The following EPS15 variants were observed in gnomAD, a reference collection of about 807,000 sequenced individuals.
The protein encoded by EPS15 is epidermal growth factor receptor substrate 15.
Under a neutral mutation model 113.8 loss-of-function variants are expected in EPS15, and 72 were observed. That is an observed-to-expected ratio of 0.63 (90% CI 0.52 to 0.77). The LOEUF (loss-of-function observed/expected upper bound fraction) is 0.77. EPS15 is among the 30% of genes least tolerant of loss of function. The pLI, the probability that EPS15 is intolerant of heterozygous loss-of-function variation, is 0.00. For synonymous variants in EPS15, 344 were observed against 363.4 expected (o/e 0.95, Z 0.61); for missense variants, 1,048 against 1,045.8 (o/e 1.00, Z -0.03).
intron 5 of EPS15, 54 bp downstream of exon 5, chr1:51,468,419 G>A (rs1257298046): frequency 2.0e-5 from 24 of 1,192,998 alleles, no homozygotes; most frequent in Middle Eastern, 1.9e-4. Context: ...TTCAAATAAC[G>A]TGGTGTCACT....
At chr1:51,507,276 C>T (rs1393695506) in intron 1 of EPS15, among the ~76,000 whole-genome samples, 3 of 152,182 alleles carry the variant, frequency 2.0e-5, no homozygotes, top group Non-Finnish European at 4.4e-5. Flanking sequence ...TATCTGTACA[C>T]ATTAGGGCTT....
At chr1:51,474,237 G>C (rs949435178) in intron 2 of EPS15, among the ~76,000 whole-genome samples, 2 of 152,222 alleles carry the variant, frequency 1.3e-5, no homozygotes, top group Non-Finnish European at 2.9e-5. Context: ...GAAGCTATAG[G>C]CCAGAAGCTG....
intron 8 of EPS15, among the ~76,000 whole-genome samples, chr1:51,454,083 C>T (rs1193104829): frequency 2.7e-5 from 4 of 147,890 alleles, no homozygotes; most frequent in Middle Eastern, 3.6e-3. Context: ...GGGAAAAGAT[C>T]GTGCTCAGTT....
chr1:51,503,252 A>G (rs1644443354), intron 1 of EPS15, among the ~76,000 whole-genome samples: 1 of 152,246 alleles, frequency 6.6e-6, no homozygotes, highest in African/African-American at 2.4e-5. Flanking sequence ...GAGAATTCCA[A>G]CTGACTGTTT....
At chr1:51,413,006 TA>T (rs1360261888) in intron 13 of EPS15, among the ~76,000 whole-genome samples, 1 of 152,208 alleles carries the variant, frequency 6.6e-6, no homozygotes, top group East Asian at 1.9e-4. Context: ...GAGGATTAAG[TA>T]AAACTTGCTG....
At chr1:51,494,063 A>G (rs922545941) in intron 1 of EPS15, among the ~76,000 whole-genome samples, 2 of 152,274 alleles carry the variant, frequency 1.3e-5, no homozygotes, top group Non-Finnish European at 2.9e-5. Context: ...AGTAATTTCA[A>G]TTATCAATTT....
chr1:51,395,263 T>C (rs1647813839), intron 20 of EPS15, among the ~76,000 whole-genome samples: 1 of 152,172 alleles, frequency 6.6e-6, no homozygotes, highest in African/African-American at 2.4e-5. Flanking sequence ...CACATAATTA[T>C]AGTACATCTA....
intron 1 of EPS15, chr1:51,518,280 C>T (rs1644763285): frequency 6.6e-6 from 1 of 152,428 alleles, no homozygotes; most frequent in Middle Eastern, 3.2e-3. Flanking sequence ...CTGAGAAGCA[C>T]AAGGACTGGA....
At chr1:51,372,718 C>T in intron 21 of EPS15, 1 of 408,866 alleles carries the variant, frequency 2.4e-6, no homozygotes, top group Non-Finnish European at 4.7e-6. Context: ...ACCTCAAAAA[C>T]ATTTGAGCAT....
At chr1:51,385,490 T>C (rs1047843454) in intron 21 of EPS15, among the ~76,000 whole-genome samples, 3 of 152,150 alleles carry the variant, frequency 2.0e-5, no homozygotes, top group African/African-American at 2.4e-5. Flanking sequence ...CTGTGGAGAA[T>C]AGTATGATCA....
intron 1 of EPS15, among the ~76,000 whole-genome samples, chr1:51,493,548 AT>A (rs1644276735): frequency 7.2e-6 from 1 of 139,412 alleles, no homozygotes; most frequent in Non-Finnish European, 1.6e-5. Context: ...AAATAAATAA[AT>A]AAATAAATAA....
rs185761635 is a variant in EPS15 at position 51,497,062 on chromosome 1, T to C, written c.34-15748A>G. 1.2e-4 allele frequency among the ~76,000 whole-genome samples: 18 copies of C among 152,276 alleles called. No individual in the cohort carries two copies. In the East Asian group the frequency reaches 3.3e-3, roughly 28 times the overall value. On this transcript the variant is annotated intron_variant, in intron 1 of 24. Coordinates refer to ENST00000371733, the MANE Select transcript of EPS15 (RefSeq NM_001981.3). ...AACAAGAAATCTTCTGCATTCTGCA[T>C]ACAGAAAAAAGCTATTCAATGTTAC... is the stretch of plus-strand genomic sequence containing the variant.
chr1:51,458,280 T>C (rs1260474445), intron 8 of EPS15: 2 of 152,582 alleles, frequency 1.3e-5, no homozygotes, highest in Non-Finnish European at 2.9e-5. Flanking sequence ...TATTTATTAT[T>C]CAAAAATTAT....
At chr1:51,361,487 T>C (rs928617040) in intron 23 of EPS15, 132 bp from the exon 24 acceptor site, 2 of 609,978 alleles carry the variant, frequency 3.3e-6, no homozygotes, top group Non-Finnish European at 2.8e-6. Flanking sequence ...ATTCTGAATA[T>C]TGTCTTAAAT....
Position 51,402,545 on chromosome 1 carries a change from A to G in EPS15, c.1792-20T>C. The G allele has an allele frequency of 7.6e-7, 1 of 1,322,878 alleles. No homozygotes were observed. The highest frequency in any genetic ancestry group is 1.1e-6 in the Non-Finnish European group (1 of 947,400). 81.9% of individuals were successfully genotyped at this position (1,322,878 alleles called of 1,614,324 possible). ...ATCTTCCTAAAAATAATTTTAAATT[A>G]AAATTATTTTTTAGAAACCAAAGTT... is the stretch of plus-strand genomic sequence containing the variant. On this transcript the variant is annotated intron_variant, in intron 17 of 24. Transcript: ENST00000371733.
rs74879569 is a variant in EPS15, at chr1:51,437,893, C to T, written c.1040+2454G>A. 2.3e-3 allele frequency among the ~76,000 whole-genome samples: 352 copies of T among 152,130 alleles called. 8 individuals carry two copies. The highest frequency in any genetic ancestry group is 0.02 in the East Asian group (104 of 5,186). ...ACAAACGAAATCTGTTTATTTTTTC[C>T]TGTTTTGTAGTCATACTCATCACAT... On this transcript the variant is annotated intron_variant, in intron 12 of 24. Coordinates refer to ENST00000371733, the MANE Select transcript of EPS15 (RefSeq NM_001981.3).
intron 1 of EPS15, among the ~76,000 whole-genome samples, chr1:51,503,924 A>C (rs913065091): frequency 6.6e-6 from 1 of 152,172 alleles, no homozygotes; most frequent in Non-Finnish European, 1.5e-5. Flanking sequence ...TTGGACCTTT[A>C]CCTCACACCA....
At chr1:51,433,835 G>C (rs1398227624) in intron 12 of EPS15, among the ~76,000 whole-genome samples, 3 of 152,196 alleles carry the variant, frequency 2.0e-5, no homozygotes. Flanking sequence ...AAAGGACAGA[G>C]ACAGGAAGGA....
chr1:51,514,156 A>G (rs2148569973), intron 1 of EPS15, among the ~76,000 whole-genome samples: 1 of 152,316 alleles, frequency 6.6e-6, no homozygotes, highest in African/African-American at 2.4e-5. Flanking sequence ...TCAATTTACA[A>G]GATTCCTCAG....
Sources: allele counts gnomAD v4.1 joint callset (sites outside exome capture counted in the v4.1 genomes callset), GRCh38; gene constraint gnomAD v4.1.1; transcripts MANE v1.5; gene names NCBI Gene and HGNC (gene_info 2026-07-23, HGNC 2026-07-21).